Variants in CDYL observed in about 807,000 individuals in gnomAD.
CDYL encodes the protein chromodomain Y-like protein.
A neutral mutation model predicts 47.3 loss-of-function variants in CDYL; 8 were observed. The ratio of observed to expected loss-of-function variants is 0.17; its 90% CI spans 0.10 to 0.31. The LOEUF is 0.31. CDYL is among the 10% of genes least tolerant of loss of function. The pLI, the probability that CDYL is intolerant of heterozygous loss-of-function variation, is 1.00. For synonymous variants in CDYL, 266 were observed against 265.0 expected (o/e 1.00, Z -0.04); for missense variants, 471 against 701.4 (o/e 0.67, Z 3.71).
chr6:4,846,293 A>G (rs867251436), intron 1 of CDYL, among the ~76,000 whole-genome samples: 4 of 152,080 alleles, frequency 2.6e-5, no homozygotes, highest in East Asian at 1.9e-4. Context: ...ATGTGGAGAC[A>G]TGTGCAAATT....
At chr6:4,748,691 T>C (rs1205153187) in intron 3 of CDYL, among the ~76,000 whole-genome samples, 2 of 99,720 alleles carry the variant, frequency 2.0e-5, no homozygotes, top group African/African-American at 6.5e-5. Context: ...AAACAAATTT[T>C]AGTAAAAAAA....
intron 3 of CDYL, among the ~76,000 whole-genome samples, chr6:4,738,621 G>A (rs571515808): frequency 2.4e-4 from 36 of 152,278 alleles, no homozygotes; most frequent in Middle Eastern, 6.8e-3. Context: ...AGAAAAAGTT[G>A]GCATTATCCA....
chr6:4,863,939 A>T (rs959712262), intron 1 of CDYL, among the ~76,000 whole-genome samples: 2 of 152,192 alleles, frequency 1.3e-5, no homozygotes, highest in African/African-American at 4.8e-5. Context: ...GAAACACGCT[A>T]AAACCCTAGC....
chr6:4,935,878 T>G, intron 3 of CDYL, 107 bp downstream of exon 3: 14 of 1,522,810 alleles, frequency 9.2e-6, no homozygotes, highest in Non-Finnish European at 1.2e-5. Flanking sequence ...AACCTCCTTT[T>G]GGGCCATCTC....
At chr6:4,872,641 A>G (rs897964370) in intron 1 of CDYL, among the ~76,000 whole-genome samples, 2 of 152,232 alleles carry the variant, frequency 1.3e-5, no homozygotes, top group Admixed American at 1.3e-4. Flanking sequence ...TGACCTCCCA[A>G]AGTGCTAGGA....
intron 1 of CDYL, among the ~76,000 whole-genome samples, chr6:4,852,351 CAAT>C: frequency 1.4e-4 from 21 of 148,696 alleles, no homozygotes; most frequent in African/African-American, 5.0e-4. Flanking sequence ...TCCTTCCTTC[CAAT>C]CTTCCTTCCT....
At chr6:4,934,952 C>G (rs1202997821) in intron 2 of CDYL, among the ~76,000 whole-genome samples, 1 of 152,138 alleles carries the variant, frequency 6.6e-6, no homozygotes, top group Non-Finnish European at 1.5e-5. Context: ...GATGGACTTT[C>G]TGATAGTCCC....
At chr6:4,819,165 T>TGC (rs1759763216) in intron 1 of CDYL, among the ~76,000 whole-genome samples, 1 of 110,276 alleles carries the variant, frequency 9.1e-6, no homozygotes, top group Non-Finnish European at 1.8e-5. Flanking sequence ...TCTCTCTCTG[T>TGC]GTGTGTGTGT....
chr6:4,927,468 G>C (rs1757912467), intron 2 of CDYL, among the ~76,000 whole-genome samples: 1 of 99,452 alleles, frequency 1.0e-5, no homozygotes, highest in Non-Finnish European at 2.0e-5. Flanking sequence ...TGTCTTTTGA[G>C]ACGGAGTCTC....
At chr6:4,855,376 G>A (rs544159492) in intron 1 of CDYL, among the ~76,000 whole-genome samples, 3 of 152,058 alleles carry the variant, frequency 2.0e-5, no homozygotes, top group Admixed American at 6.5e-5. Flanking sequence ...CTGCAGCCTC[G>A]AACTCCTGGG....
intron 1 of CDYL, among the ~76,000 whole-genome samples, chr6:4,849,246 G>T (rs1466970416): frequency 1.3e-5 from 2 of 152,210 alleles, no homozygotes; most frequent in East Asian, 3.8e-4. Context: ...GGCAAACTGG[G>T]ATGAGGAAAA....
intron 1 of CDYL, among the ~76,000 whole-genome samples, chr6:4,710,682 C>G (rs933431491): frequency 6.6e-6 from 1 of 152,130 alleles, no homozygotes; most frequent in Non-Finnish European, 1.5e-5. Context: ...CCCACAGGCA[C>G]GCTGTGCTCC....
chr6:4,858,344 A>G (rs1761069711), intron 1 of CDYL, among the ~76,000 whole-genome samples: 2 of 152,240 alleles, frequency 1.3e-5, no homozygotes. Flanking sequence ...TATCTTACTG[A>G]CATGTAATAA....
In CDYL at chr6:4,843,670, A is replaced by C. The variant is rs971024806; in HGVS notation, c.25-48043A>C. Among the ~76,000 whole-genome samples the C allele has an allele frequency of 5.3e-4, 80 of 151,830 alleles. 1 individual carries two copies. The highest frequency in any genetic ancestry group is 3.3e-3 in the Admixed American group (50 of 15,226). On this transcript the variant is annotated intron_variant, in intron 1 of 6. Transcript: ENST00000397588. ...TCTAAGTGTGTTTTTCATTTCCATA[A>C]GTCGTGATTATTTTTTATTTATGCT...
At chr6:4,819,164 G>A (rs9504261) in intron 1 of CDYL, among the ~76,000 whole-genome samples, 2 of 62,948 alleles carry the variant, frequency 3.2e-5, no homozygotes, top group Non-Finnish European at 6.4e-5. Context: ...CTCTCTCTCT[G>A]TGTGTGTGTG....
chr6:4,780,868 T>C (rs886243953), intron 1 of CDYL, among the ~76,000 whole-genome samples: 2 of 152,216 alleles, frequency 1.3e-5, no homozygotes, highest in African/African-American at 4.8e-5. Flanking sequence ...CCTTAATTTA[T>C]TTAGCAGTCA....
chr6:4,947,974 C>G (rs1010220191), intron 5 of CDYL, among the ~76,000 whole-genome samples: 1 of 152,140 alleles, frequency 6.6e-6, no homozygotes, highest in Admixed American at 6.5e-5. Context: ...GTGGCTTATC[C>G]AAGTCATTTG....
At chr6:4,737,764 A>C (rs578003931) in intron 3 of CDYL, among the ~76,000 whole-genome samples, 30 of 152,210 alleles carry the variant, frequency 2.0e-4, no homozygotes, top group African/African-American at 6.7e-4. Context: ...TGACCTCATG[A>C]TCCACCCACT....
chr6:4,804,628 C>T (rs1323644869), intron 1 of CDYL, among the ~76,000 whole-genome samples: 1 of 152,158 alleles, frequency 6.6e-6, no homozygotes, highest in Non-Finnish European at 1.5e-5. Context: ...CAGAATGGCC[C>T]TCGCTCTGCG....
Sources: allele counts gnomAD v4.1 joint callset (sites outside exome capture counted in the v4.1 genomes callset), GRCh38; gene constraint gnomAD v4.1.1; transcripts MANE v1.5; gene names NCBI Gene and HGNC (gene_info 2026-07-23, HGNC 2026-07-21).